SLC8A1: variants seen among roughly 807,000 people sequenced by gnomAD.
The protein encoded by SLC8A1 is sodium/calcium exchanger 1.
SLC8A1 carries 18 observed loss-of-function variants against 68.3 expected under a neutral mutation model. That is an observed-to-expected ratio of 0.26 (90% confidence interval 0.18 to 0.39). The LOEUF is 0.39. Ranked by LOEUF, SLC8A1 falls within the 10% of genes least tolerant of loss-of-function variation. The probability of loss-of-function intolerance (pLI) is 1.00; values close to 1 mark genes in which losing one functional copy is unlikely to be tolerated. For synonymous variants in SLC8A1, 475 were observed against 415.5 expected (o/e 1.14, Z -1.74); for missense variants, 985 against 1,156.7 (o/e 0.85, Z 2.15).
exon 8 of SLC8A1, chr2:40,104,045 G>A (rs2034055494): frequency 1.3e-5 from 2 of 152,200 alleles, no homozygotes; most frequent in Admixed American, 1.3e-4. Context: ...GAGAGCTGAA[G>A]ATTCCTCACC....
At chr2:40,459,110 A>T (rs767154) in intron 1 of SLC8A1, among the ~76,000 whole-genome samples, 7 of 152,104 alleles carry the variant, frequency 4.6e-5, no homozygotes, top group Non-Finnish European at 8.8e-5. Flanking sequence ...CATCAGTAGA[A>T]GTTTCTACTC....
At chr2:40,219,339 T>C (rs184922805) in intron 2 of SLC8A1, among the ~76,000 whole-genome samples, 10 of 152,354 alleles carry the variant, frequency 6.6e-5, no homozygotes, top group African/African-American at 1.9e-4. Context: ...ATTGTGGCAA[T>C]TGCCTCATCC....
intron 2 of SLC8A1, among the ~76,000 whole-genome samples, chr2:40,348,187 A>G (rs891918676): frequency 1.3e-5 from 2 of 152,184 alleles, no homozygotes; most frequent in African/African-American, 4.8e-5. Flanking sequence ...TGAACTGTAC[A>G]TGAAGAAATC....
At chr2:40,267,041 G>A (rs1377949526) in intron 2 of SLC8A1, among the ~76,000 whole-genome samples, 5 of 152,182 alleles carry the variant, frequency 3.3e-5, no homozygotes, top group Non-Finnish European at 5.9e-5. Context: ...GCAAACTTAT[G>A]AAGCCCAGTT....
intron 1 of SLC8A1, among the ~76,000 whole-genome samples, chr2:40,483,578 G>T (rs1243746403): frequency 6.6e-6 from 1 of 152,104 alleles, no homozygotes; most frequent in Non-Finnish European, 1.5e-5. Context: ...GTATTTTGTT[G>T]GTAACAGATC....
At chr2:40,230,113 G>A (rs2059469280) in intron 2 of SLC8A1, among the ~76,000 whole-genome samples, 2 of 152,080 alleles carry the variant, frequency 1.3e-5, no homozygotes, top group South Asian at 4.1e-4. Flanking sequence ...ATCCCCACTT[G>A]GGAGCTTTTT....
intron 2 of SLC8A1, among the ~76,000 whole-genome samples, chr2:40,196,380 A>G (rs963854258): frequency 6.6e-5 from 10 of 151,964 alleles, no homozygotes; most frequent in African/African-American, 2.2e-4. Context: ...TACAAGGCTC[A>G]TTTCACCTTG....
chr2:40,438,029 C>T (rs960569617), intron 1 of SLC8A1, among the ~76,000 whole-genome samples: 5 of 152,052 alleles, frequency 3.3e-5, no homozygotes, highest in African/African-American at 1.2e-4. Flanking sequence ...ACCTAGTCCC[C>T]AGGTTAACGT....
exon 8 of SLC8A1, chr2:40,108,880 A>G (rs761784983): frequency 7.9e-5 from 12 of 152,152 alleles, no homozygotes; most frequent in African/African-American, 2.2e-4. Context: ...TTGTTTTACT[A>G]TGTGGCTTCA....
At chr2:40,192,728 G>A (rs1163924868) in intron 2 of SLC8A1, among the ~76,000 whole-genome samples, 1 of 151,944 alleles carries the variant, frequency 6.6e-6, no homozygotes, top group Non-Finnish European at 1.5e-5. Flanking sequence ...ATATTTGTTG[G>A]TCCTGAATAC....
rs190286445 is a variant in SLC8A1 at position 40,412,499 on chromosome 2, G to A, written c.1808+15974C>T. Among the ~76,000 whole-genome samples, 54 of 152,214 alleles carry A rather than the reference G, an allele frequency of 3.5e-4. 2 individuals are homozygous for A. Among genetic ancestry groups the A allele is most frequent in the African/African-American group, 1.2e-3 (48 of 41,550 alleles). ...CATAAATTTAACACTACCTTGGAGTGGGCATACGGTTTTAACTGAAACAGA... is the reference window on the plus strand; with the variant it reads ...CATAAATTTAACACTACCTTGGAGTAGGCATACGGTTTTAACTGAAACAGA... On this transcript the variant is annotated intron_variant, in intron 2 of 7. Transcript: ENST00000406785.
chr2:40,333,699 T>C (rs1402298649), intron 2 of SLC8A1, among the ~76,000 whole-genome samples: 1 of 152,140 alleles, frequency 6.6e-6, no homozygotes, highest in African/African-American at 2.4e-5. Flanking sequence ...TTATCATTAT[T>C]GTAGCATACC....
exon 8 of SLC8A1, chr2:40,108,236 G>A (rs904243117): frequency 2.6e-5 from 4 of 152,176 alleles, no homozygotes; most frequent in African/African-American, 7.2e-5. Flanking sequence ...TACCTGTACA[G>A]GTCCAATGTA....
chr2:40,140,204 A>T (rs928067140), intron 6 of SLC8A1, among the ~76,000 whole-genome samples: 1 of 152,218 alleles, frequency 6.6e-6, no homozygotes, highest in African/African-American at 2.4e-5. Flanking sequence ...ATCTCCTGCA[A>T]CTATTTCAAA....
At chr2:40,430,396 C>G in intron 1 of SLC8A1, 92 bp from the exon 2 acceptor site, 5 of 1,324,498 alleles carry the variant, frequency 3.8e-6, no homozygotes, top group Non-Finnish European at 5.0e-6. Flanking sequence ...TTTTATTACT[C>G]TTACCAAAAT....
chr2:40,281,687 G>C (rs911897923), intron 2 of SLC8A1, among the ~76,000 whole-genome samples: 5 of 152,180 alleles, frequency 3.3e-5, no homozygotes, highest in African/African-American at 1.2e-4. Context: ...TGTGGAGCTG[G>C]GAATGTCTGG....
At chr2:40,456,346 G>A (rs1257521455), upstream of SLC8A1, among the ~76,000 whole-genome samples, 1 of 145,684 alleles carries the variant, frequency 6.9e-6, no homozygotes, top group African/African-American at 2.5e-5. Context: ...AAAAAGAATT[G>A]GGTTTGTACA....
At chr2:40,287,929 T>G (rs1575092506) in intron 2 of SLC8A1, among the ~76,000 whole-genome samples, 1 of 152,174 alleles carries the variant, frequency 6.6e-6, no homozygotes, top group East Asian at 1.9e-4. Context: ...ACGCACGTTA[T>G]GAGACTTTGA....
At chr2:40,459,694 T>C (rs1703230881) in intron 1 of SLC8A1, among the ~76,000 whole-genome samples, 1 of 152,340 alleles carries the variant, frequency 6.6e-6, no homozygotes, top group South Asian at 2.1e-4. Context: ...TAAGCTCTGG[T>C]GGGTGAACCT....
Sources: allele counts gnomAD v4.1 joint callset (sites outside exome capture counted in the v4.1 genomes callset), GRCh38; gene constraint gnomAD v4.1.1; transcripts MANE v1.5; gene names NCBI Gene and HGNC (gene_info 2026-07-23, HGNC 2026-07-21).